RASEF: variants seen among roughly 807,000 people sequenced by gnomAD.
RASEF encodes the protein RAS and EF-hand domain containing, also known as ras and EF-hand domain-containing protein.
In RASEF, 68 loss-of-function variants were observed where a neutral mutation model predicts 90.1. The observed-to-expected ratio is 0.75, with a 90% CI of 0.62 to 0.92. The LOEUF (loss-of-function observed/expected upper bound fraction) is 0.92, where lower values mean the gene tolerates loss of function less well. Ranked by LOEUF, RASEF falls within the 40% of genes least tolerant of loss-of-function variation. The pLI, the probability that RASEF is intolerant of heterozygous loss-of-function variation, is 0.00. For synonymous variants in RASEF, 331 were observed against 345.2 expected, an observed-to-expected ratio of 0.96 and a Z score of 0.46; for missense variants, 949 against 937.2, an observed-to-expected ratio of 1.01 and a Z score of -0.16.
intron 14 of RASEF, among the ~76,000 whole-genome samples, chr9:82,994,109 A>C (rs1242441191): frequency 6.6e-6 from 1 of 152,186 alleles, no homozygotes; most frequent in Non-Finnish European, 1.5e-5. Flanking sequence ...GTGCCTCAAC[A>C]TGAAATCATC....
chr9:82,988,035 A>G lies in RASEF; in HGVS notation c.2117+2356T>C, dbSNP rs1163573885. Among the ~76,000 whole-genome samples the G allele has an allele frequency of 4.6e-5, 7 of 152,326 alleles. 1 individual carries two copies. The highest frequency in any genetic ancestry group is 4.1e-4 in the South Asian group (2 of 4,826). ...GGCTAAGGCATACCAGGGATGCTCC[A>G]AAGACCTGCAGATCCTTCCCCACTG... On this transcript the variant is annotated intron_variant, in intron 16 of 16. Transcript: ENST00000376447.
the RASEF span, among the ~76,000 whole-genome samples, chr9:83,093,470 A>T: frequency 6.6e-6 from 1 of 152,208 alleles, no homozygotes; most frequent in Non-Finnish European, 1.5e-5. Flanking sequence ...CCTGGTGAGA[A>T]ATCAAGCGCA....
the RASEF span, among the ~76,000 whole-genome samples, chr9:83,189,974 G>A: frequency 6.6e-6 from 1 of 152,088 alleles, no homozygotes; most frequent in Non-Finnish European, 1.5e-5. Flanking sequence ...TCACTCTGGA[G>A]TGGCCTAGGC....
At chr9:83,069,774 C>T in the RASEF span, among the ~76,000 whole-genome samples, 8 of 152,348 alleles carry the variant, frequency 5.3e-5, no homozygotes, top group South Asian at 1.4e-3. Flanking sequence ...ATTTAACATT[C>T]CTACCTGAAA....
At chr9:83,061,872 GCCTA>G (rs1443212631) in intron 1 of RASEF, among the ~76,000 whole-genome samples, 1 of 152,198 alleles carries the variant, frequency 6.6e-6, no homozygotes, top group African/African-American at 2.4e-5. Flanking sequence ...AAATAAGCTA[GCCTA>G]CCTTCTAGGG....
At chr9:83,013,640 T>C (rs961534188) in intron 4 of RASEF, among the ~76,000 whole-genome samples, 1 of 152,180 alleles carries the variant, frequency 6.6e-6, no homozygotes, top group African/African-American at 2.4e-5. Context: ...CTGGAATAAG[T>C]GAGAAAGCAC....
At chr9:83,078,954 T>C in the RASEF span, among the ~76,000 whole-genome samples, 35 of 152,192 alleles carry the variant, frequency 2.3e-4, no homozygotes, top group Non-Finnish European at 4.3e-4. Context: ...ATATTAGACC[T>C]TTGTCAGACG....
chr9:83,060,182 G>A (rs1830180415), intron 1 of RASEF, among the ~76,000 whole-genome samples: 1 of 152,092 alleles, frequency 6.6e-6, no homozygotes, highest in South Asian at 2.1e-4. Context: ...GGGAAACAAA[G>A]CCACAAGTTG....
chr9:83,185,276 CT>C, the RASEF span, among the ~76,000 whole-genome samples: 1 of 151,696 alleles, frequency 6.6e-6, no homozygotes, highest in Non-Finnish European at 1.5e-5. Context: ...AAATAAATAC[CT>C]CCAAAATCCT....
intron 1 of RASEF, among the ~76,000 whole-genome samples, chr9:83,049,531 T>TTC (rs1830002131): frequency 7.9e-6 from 1 of 126,300 alleles, no homozygotes; most frequent in African/African-American, 3.1e-5. Flanking sequence ...CTGCCTTCCT[T>TTC]TTTTTTTTTT....
chr9:83,041,425 T>G (rs754317616), intron 1 of RASEF, among the ~76,000 whole-genome samples: 2 of 152,246 alleles, frequency 1.3e-5, no homozygotes, highest in Non-Finnish European at 2.9e-5. Context: ...TGTCCCAGTC[T>G]GTTTTATGAA....
chr9:83,046,025 G>GAAAA (rs796310857), intron 1 of RASEF, among the ~76,000 whole-genome samples: 11 of 123,768 alleles, frequency 8.9e-5, no homozygotes, highest in Non-Finnish European at 5.2e-5. Flanking sequence ...TTCACCTTCG[G>GAAAA]AAAAAAAAAA....
At chr9:82,996,262 T>A (rs1427514443) in intron 14 of RASEF, among the ~76,000 whole-genome samples, 1 of 152,222 alleles carries the variant, frequency 6.6e-6, no homozygotes, top group African/African-American at 2.4e-5. Flanking sequence ...TGAAAAGTTG[T>A]ATTAATATAC....
At chr9:83,183,262 GTATATATATA>G in the RASEF span, among the ~76,000 whole-genome samples, 1,926 of 150,196 alleles carry the variant, frequency 0.013, 35 homozygotes, top group African/African-American at 0.043. Flanking sequence ...TTGTGTGTGT[GTATATATATA>G]TATATATATA....
rs1399296163 is a variant in RASEF at position 83,007,627 on chromosome 9, T to C, written c.960-122A>G. Reference sequence around the variant, plus strand: ...ACGAGTGTCCTTGGCCACAGTTTTCTATCTTTCCCGTGCTCCTGCTCTGGG... The same window carrying C: ...ACGAGTGTCCTTGGCCACAGTTTTCCATCTTTCCCGTGCTCCTGCTCTGGG... On this transcript the variant is annotated intron_variant, in intron 6 of 16. Transcript: ENST00000376447. 8 of 733,714 alleles carry C rather than the reference T, an allele frequency of 1.1e-5. No homozygotes were observed. The African/African-American group carries it at 1.2e-4, about 11-fold the overall frequency. 45.5% of individuals were successfully genotyped at this position (733,714 alleles called of 1,614,324 possible).
the RASEF span, among the ~76,000 whole-genome samples, chr9:83,173,653 T>C: frequency 1.3e-5 from 2 of 151,944 alleles, no homozygotes; most frequent in Non-Finnish European, 2.9e-5. Context: ...CTCTGTGTTA[T>C]CTTGAAGTTC....
intron 9 of RASEF, among the ~76,000 whole-genome samples, chr9:83,001,427 A>C (rs150919888): frequency 4.5e-4 from 68 of 152,316 alleles, no homozygotes; most frequent in African/African-American, 1.6e-3. Flanking sequence ...CTAAGACATA[A>C]ACACAATCGC....
rs1173957030 is a variant in RASEF, at chr9:83,052,205, A to T, written c.431+10232T>A. On this transcript the variant is annotated intron_variant, in intron 1 of 16. Transcript: ENST00000376447. ...CTTTTTGGTTGGTAAACTATTGATT[A>T]TTGCCACAATTTCAGAGCCTGTTAT... 1.5e-4 allele frequency among the ~76,000 whole-genome samples: 20 copies of T among 136,118 alleles called. 1 individual carries two copies. The South Asian group carries it at 4.9e-3, about 33-fold the overall frequency. The allele number at this position is 136,118 out of a possible 152,430, so 89.3% of individuals were successfully genotyped here.
chr9:83,043,014 G>A (rs1829867866), intron 1 of RASEF, among the ~76,000 whole-genome samples: 1 of 152,098 alleles, frequency 6.6e-6, no homozygotes, highest in Non-Finnish European at 1.5e-5. Flanking sequence ...CTACCTCCCG[G>A]GATAAAGCTA....
Sources: gnomAD v4.1 joint callset for allele counts (sites outside exome capture counted in the v4.1 genomes callset) on GRCh38, gnomAD v4.1.1 for gene constraint, MANE v1.5 for transcripts, NCBI Gene and HGNC (gene_info 2026-07-23, HGNC 2026-07-21) for gene names.